The following TRPC4 variants were observed in gnomAD, a reference collection of about 807,000 sequenced individuals.
TRPC4 encodes the protein short transient receptor potential channel 4.
Under a neutral mutation model 99.4 loss-of-function variants are expected in TRPC4, and 49 were observed. The observed-to-expected ratio is 0.49, with a 90% CI of 0.39 to 0.63. TRPC4 has a LOEUF of 0.63. Among genes scored for constraint, TRPC4 ranks in the 20% least tolerant of loss-of-function variants. The probability of loss-of-function intolerance (pLI) is 0.00; values close to 1 mark genes in which losing one functional copy is unlikely to be tolerated. For missense variants in TRPC4, 898 were observed against 1,152.9 expected (o/e 0.78, Z 3.20); for synonymous variants, 454 against 425.9 (o/e 1.07, Z -0.81).
chr13:37,732,982 A>AAAAC (rs1173054635), intron 3 of TRPC4, among the ~76,000 whole-genome samples: 1 of 152,218 alleles, frequency 6.6e-6, no homozygotes, highest in Non-Finnish European at 1.5e-5. Flanking sequence ...AAAACAAAAC[A>AAAAC]AAACAAAATG....
intron 3 of TRPC4, among the ~76,000 whole-genome samples, chr13:37,745,520 GTA>G (rs1222409568): frequency 1.1e-5 from 1 of 94,708 alleles, no homozygotes; most frequent in African/African-American, 5.8e-5. Flanking sequence ...ATATATATAC[GTA>G]TATATGTATA....
chr13:37,750,026 T>G (rs1792404611), intron 2 of TRPC4, among the ~76,000 whole-genome samples: 1 of 152,114 alleles, frequency 6.6e-6, no homozygotes, highest in Non-Finnish European at 1.5e-5. Flanking sequence ...ACTCACAGAT[T>G]TAATGGTTAT....
chr13:37,774,430 T>C (rs1360033736), intron 2 of TRPC4, among the ~76,000 whole-genome samples: 3 of 151,774 alleles, frequency 2.0e-5, no homozygotes, highest in Admixed American at 1.3e-4. Context: ...AAAACATAAA[T>C]TGTGATAATG....
intron 3 of TRPC4, among the ~76,000 whole-genome samples, chr13:37,706,413 G>C (rs915972143): frequency 1.3e-5 from 2 of 152,088 alleles, no homozygotes; most frequent in African/African-American, 4.8e-5. Context: ...GAGATCACTG[G>C]GTTGCTTGAG....
chr13:37,764,363 C>T (rs1215991515), intron 2 of TRPC4, among the ~76,000 whole-genome samples: 4 of 150,416 alleles, frequency 2.7e-5, no homozygotes, highest in African/African-American at 9.7e-5. Context: ...TTTCCTGATG[C>T]TAGTGTTTAT....
Position 37,636,853 on chromosome 13 carries a change from G to A in TRPC4, c.*50C>T, listed in dbSNP as rs774820494. 21 of 1,555,364 alleles carry A rather than the reference G, an allele frequency of 1.4e-5. No individual in the cohort carries two copies. The South Asian group carries it at 2.4e-4, about 18-fold the overall frequency. ...ATTTAAACATTTTCCCCCACCCAGA[G>A]CACTACGGAAAATACGTATGTGTAT... On this transcript the variant is annotated 3_prime_UTR_variant, in exon 11 of 11. Coordinates refer to ENST00000379705, the MANE Select transcript of TRPC4 (RefSeq NM_016179.4).
At chr13:37,750,449 T>C (rs1955902424) in intron 2 of TRPC4, among the ~76,000 whole-genome samples, 1 of 152,102 alleles carries the variant, frequency 6.6e-6, no homozygotes, top group African/African-American at 2.4e-5. Context: ...CAAATAACTT[T>C]TTTATTTATT....
intron 1 of TRPC4, among the ~76,000 whole-genome samples, chr13:37,856,227 G>A (rs1047026463): frequency 4.0e-5 from 6 of 151,428 alleles, no homozygotes; most frequent in African/African-American, 1.5e-4. Context: ...ATCATCAGTG[G>A]CTGTTATGAG....
At chr13:37,747,512 C>CAA (rs202107377) in intron 2 of TRPC4, among the ~76,000 whole-genome samples, 1 of 147,210 alleles carries the variant, frequency 6.8e-6, no homozygotes. Context: ...ACAGGCATGG[C>CAA]AAAAAAAAAT....
At chr13:37,791,312 C>T (rs1200921315) in intron 1 of TRPC4, among the ~76,000 whole-genome samples, 7 of 150,140 alleles carry the variant, frequency 4.7e-5, no homozygotes, top group African/African-American at 7.4e-5. Context: ...AGGAGAATCG[C>T]TTGAACCTGG....
At chr13:37,821,809 G>C (rs1165984948) in intron 1 of TRPC4, among the ~76,000 whole-genome samples, 2 of 151,904 alleles carry the variant, frequency 1.3e-5, no homozygotes, top group Non-Finnish European at 2.9e-5. Flanking sequence ...ACAAAAATCA[G>C]CTCAAGATAG....
intron 3 of TRPC4, among the ~76,000 whole-genome samples, chr13:37,715,987 G>A (rs1323740296): frequency 1.3e-5 from 2 of 152,190 alleles, no homozygotes; most frequent in African/African-American, 4.8e-5. Context: ...GAGCCAAGGC[G>A]TACACATAGG....
chr13:37,774,101 C>G (rs1042508019), intron 2 of TRPC4, among the ~76,000 whole-genome samples: 3 of 151,460 alleles, frequency 2.0e-5, no homozygotes, highest in Non-Finnish European at 3.0e-5. Flanking sequence ...TCAGGGACTC[C>G]AGAAATCAAA....
At chr13:37,676,344 T>G (rs577062680) in intron 4 of TRPC4, among the ~76,000 whole-genome samples, 1 of 148,654 alleles carries the variant, frequency 6.7e-6, no homozygotes, top group African/African-American at 2.5e-5. Flanking sequence ...AACTTCTGGG[T>G]GTAAAAAATA....
chr13:37,818,394 G>A (rs888465993), intron 1 of TRPC4, among the ~76,000 whole-genome samples: 4 of 152,076 alleles, frequency 2.6e-5, no homozygotes, highest in Admixed American at 6.6e-5. Flanking sequence ...ACAGTGTGAT[G>A]ATTCCTCAAA....
chr13:37,851,249 C>T (rs934586242), intron 1 of TRPC4, among the ~76,000 whole-genome samples: 1 of 152,150 alleles, frequency 6.6e-6, no homozygotes, highest in African/African-American at 2.4e-5. Context: ...ACCCTATTTG[C>T]TTTCCAGTAG....
At chr13:37,745,473 TACACACAC>T (rs370854698) in intron 3 of TRPC4, among the ~76,000 whole-genome samples, 4 of 5,384 alleles carry the variant, frequency 7.4e-4, no homozygotes, top group African/African-American at 9.9e-4. Context: ...TATATATATA[TACACACAC>T]ACACACACTT....
intron 1 of TRPC4, among the ~76,000 whole-genome samples, chr13:37,827,775 C>G (rs1281148916): frequency 1.3e-5 from 2 of 152,340 alleles, no homozygotes; most frequent in East Asian, 3.9e-4. Context: ...GCAGGCAGGC[C>G]TCCTTGAGCT....
chr13:37,748,467 T>C (rs960941547), intron 2 of TRPC4, among the ~76,000 whole-genome samples: 9 of 152,122 alleles, frequency 5.9e-5, no homozygotes, highest in African/African-American at 1.4e-4. Flanking sequence ...CCATACAGAA[T>C]GGCATACATT....
Sources: allele counts gnomAD v4.1 joint callset (sites outside exome capture counted in the v4.1 genomes callset), GRCh38; gene constraint gnomAD v4.1.1; transcripts MANE v1.5; gene names NCBI Gene and HGNC (gene_info 2026-07-23, HGNC 2026-07-21).